Variants in DLG2 observed in about 807,000 individuals in gnomAD.
DLG2 encodes disks large homolog 2.
In DLG2, 45 loss-of-function variants were observed where a neutral mutation model predicts 132.5. The ratio of observed to expected loss-of-function variants is 0.34; its 90% confidence interval spans 0.27 to 0.44. The LOEUF is 0.44. Ranked by LOEUF, DLG2 falls within the 20% of genes least tolerant of loss-of-function variation. The pLI is 1.00. For synonymous variants in DLG2, 424 were observed against 419.6 expected (o/e 1.01, Z -0.13); for missense variants, 1,045 against 1,196.9 (o/e 0.87, Z 1.87).
chr11:83,945,806 CTG>C (rs56913664), intron 14 of DLG2, among the ~76,000 whole-genome samples: 4,564 of 136,324 alleles, frequency 0.033, 219 homozygotes, highest in African/African-American at 0.11. Context: ...AGAAATGCCT[CTG>C]TGTGTGTGTG....
intron 6 of DLG2, among the ~76,000 whole-genome samples, chr11:85,019,404 A>G (rs2059838311): frequency 6.6e-6 from 1 of 152,064 alleles, no homozygotes; most frequent in Non-Finnish European, 1.5e-5. Flanking sequence ...AAAAATTTCA[A>G]CTTAGACAAG....
intron 3 of DLG2, among the ~76,000 whole-genome samples, chr11:85,582,823 C>A (rs2078641010): frequency 6.8e-6 from 1 of 147,356 alleles, no homozygotes; most frequent in Admixed American, 6.8e-5. Flanking sequence ...TAATTTGTTT[C>A]TGTGTGTTTT....
At chr11:85,293,918 G>T (rs1484482127) in intron 3 of DLG2, among the ~76,000 whole-genome samples, 1 of 152,058 alleles carries the variant, frequency 6.6e-6, no homozygotes, top group East Asian at 1.9e-4. Flanking sequence ...ATTCTCAAAT[G>T]AGTGAATGGC....
chr11:84,533,905 CAAAAAAAAAAAAA>C (rs558597260), intron 7 of DLG2, among the ~76,000 whole-genome samples: 35 of 70,284 alleles, frequency 5.0e-4, no homozygotes, highest in East Asian at 2.4e-3. Context: ...CCAGTTCAGC[CAAAAAAAAAAAAA>C]AAAAAAAAAA....
intron 3 of DLG2, among the ~76,000 whole-genome samples, chr11:85,342,121 A>T (rs2082542313): frequency 6.6e-6 from 1 of 152,214 alleles, no homozygotes; most frequent in South Asian, 2.1e-4. Flanking sequence ...ATTTATATTT[A>T]AAATACTTTT....
At chr11:83,641,759 CA>C (rs1424012010) in intron 18 of DLG2, among the ~76,000 whole-genome samples, 1 of 152,114 alleles carries the variant, frequency 6.6e-6, no homozygotes, top group Non-Finnish European at 1.5e-5. Flanking sequence ...CGACTTAGCT[CA>C]TCTCTCAAGT....
At chr11:84,372,923 G>C (rs746556471) in intron 7 of DLG2, among the ~76,000 whole-genome samples, 4 of 151,996 alleles carry the variant, frequency 2.6e-5, no homozygotes, top group Non-Finnish European at 5.9e-5. Flanking sequence ...CATTGAGAGA[G>C]ACAATCACCT....
chr11:84,976,435 A>T (rs550143217), intron 6 of DLG2, among the ~76,000 whole-genome samples: 1 of 152,270 alleles, frequency 6.6e-6, no homozygotes, highest in South Asian at 2.1e-4. Flanking sequence ...TGTGATAATA[A>T]ATCATATTCC....
At chr11:83,975,426 TAA>T (rs992932460) in intron 12 of DLG2, among the ~76,000 whole-genome samples, 1 of 152,020 alleles carries the variant, frequency 6.6e-6, no homozygotes, top group Non-Finnish European at 1.5e-5. Flanking sequence ...ATTATTTTGC[TAA>T]AAAGAACATA....
chr11:85,191,011 T>C (rs2080488801), intron 4 of DLG2, among the ~76,000 whole-genome samples: 1 of 152,214 alleles, frequency 6.6e-6, no homozygotes, highest in Non-Finnish European at 1.5e-5. Flanking sequence ...CTGTCATTAC[T>C]GGGTACATAC....
intron 7 of DLG2, among the ~76,000 whole-genome samples, chr11:84,332,722 C>A (rs946205654): frequency 1.3e-5 from 2 of 152,140 alleles, no homozygotes; most frequent in Non-Finnish European, 2.9e-5. Context: ...TGCATCCAAT[C>A]TATTAGGTGG....
chr11:85,115,623 A>T (rs1248502801), intron 5 of DLG2, among the ~76,000 whole-genome samples: 2 of 151,980 alleles, frequency 1.3e-5, no homozygotes, highest in East Asian at 3.9e-4. Flanking sequence ...AAAAGGTGGA[A>T]GTATTTAACT....
chr11:83,803,321 CTGT>C (rs1345402613), intron 17 of DLG2, among the ~76,000 whole-genome samples: 1 of 152,002 alleles, frequency 6.6e-6, no homozygotes, highest in Admixed American at 6.6e-5. Context: ...ATGGTATTTT[CTGT>C]TGTTAAAATG....
intron 18 of DLG2, among the ~76,000 whole-genome samples, chr11:83,674,231 C>G (rs993296582): frequency 6.6e-6 from 1 of 152,142 alleles, no homozygotes; most frequent in African/African-American, 2.4e-5. Flanking sequence ...TAGAGGAGCA[C>G]TCAGCGGGCC....
intron 7 of DLG2, among the ~76,000 whole-genome samples, chr11:84,326,958 A>G (rs1399825252): frequency 6.6e-6 from 1 of 152,080 alleles, no homozygotes; most frequent in Non-Finnish European, 1.5e-5. Flanking sequence ...TTCTATCATT[A>G]TATAATATCC....
chr11:84,994,253 C>G (rs980668433), intron 6 of DLG2, among the ~76,000 whole-genome samples: 2 of 152,096 alleles, frequency 1.3e-5, no homozygotes, highest in African/African-American at 4.8e-5. Flanking sequence ...TCTACTGTTT[C>G]CTCATGTAGC....
intron 6 of DLG2, among the ~76,000 whole-genome samples, chr11:84,990,047 A>G (rs1294597371): frequency 6.6e-6 from 1 of 152,210 alleles, no homozygotes; most frequent in Non-Finnish European, 1.5e-5. Context: ...TGCTCCTTGA[A>G]AGACCCGATT....
chr11:84,729,683 C>G (rs531395499), intron 6 of DLG2, among the ~76,000 whole-genome samples: 1 of 152,120 alleles, frequency 6.6e-6, no homozygotes, highest in South Asian at 2.1e-4. Context: ...CTAAGTCATA[C>G]TTAGAATGTT....
In DLG2 at chr11:83,592,002, C is replaced by A. The variant is rs1314401015; in HGVS notation, c.1940+41209G>T. Among the ~76,000 whole-genome samples the A allele has an allele frequency of 9.5e-5, 14 of 146,930 alleles. No homozygotes were observed. In the East Asian group the frequency reaches 2.9e-3, roughly 30 times the overall value. On this transcript the variant is annotated intron_variant, in intron 19 of 27. Coordinates refer to ENST00000376104, the MANE Select transcript of DLG2 (RefSeq NM_001142699.3). ...TCAATGAAATAAAAGAGGATACAAA[C>A]AAATGGAAGAACATTCCATGCTCAT...
Sources: allele counts gnomAD v4.1 joint callset (sites outside exome capture counted in the v4.1 genomes callset), GRCh38; gene constraint gnomAD v4.1.1; transcripts MANE v1.5; gene names NCBI Gene and HGNC (gene_info 2026-07-23, HGNC 2026-07-21).